The following CCDC83 variants were observed in gnomAD, a reference collection of about 807,000 sequenced individuals.
CCDC83 encodes coiled-coil domain containing 83.
In CCDC83, 54 loss-of-function variants were observed where a neutral mutation model predicts 50.1. That is an observed-to-expected ratio of 1.08 (90% confidence interval 0.87 to 1.35). The LOEUF (loss-of-function observed/expected upper bound fraction) is 1.35, where lower values mean the gene tolerates loss of function less well. CCDC83 is among the 40% of genes most tolerant of loss of function. The pLI, the probability that CCDC83 is intolerant of heterozygous loss-of-function variation, is 0.00. For missense variants in CCDC83, 518 were observed against 473.9 expected (o/e 1.09, Z -0.86); for synonymous variants, 161 against 153.3 (o/e 1.05, Z -0.37).
intron 8 of CCDC83, among the ~76,000 whole-genome samples, chr11:85,914,535 G>A (rs1004942568): frequency 6.6e-6 from 1 of 152,124 alleles, no homozygotes; most frequent in African/African-American, 2.4e-5. Context: ...CCTACTGTTC[G>A]CTTTCTCTTT....
chr11:85,890,438 G>A (rs1008902433), intron 5 of CCDC83, among the ~76,000 whole-genome samples: 1 of 152,182 alleles, frequency 6.6e-6, no homozygotes, highest in Non-Finnish European at 1.5e-5. Context: ...CAGGGATTTT[G>A]TATGTGTGGG....
intron 3 of CCDC83, among the ~76,000 whole-genome samples, chr11:85,881,938 G>C (rs543021885): frequency 2.1e-4 from 32 of 152,154 alleles, no homozygotes; most frequent in African/African-American, 7.7e-4. Context: ...TTGGAAATTT[G>C]GGAAGTTTCC....
At chr11:85,917,134 A>AAG (rs201907138) in intron 10 of CCDC83, among the ~76,000 whole-genome samples, 6,238 of 77,926 alleles carry the variant, frequency 0.08, 379 homozygotes, top group South Asian at 0.11. Context: ...AAGAAAAAGA[A>AAG]AGAGAGAGAG....
Position 85,915,447 on chromosome 11 carries a change from C to G in CCDC83, c.823C>G (p.Leu275Val), listed in dbSNP as rs373536001. ...RRLYLTQAAGLEVPPEEMSLE... is the reference protein window; with the variant it reads ...RRLYLTQAAGVEVPPEEMSLE... The stretch of plus-strand genomic sequence containing the variant: ...ACTATATCTTACCCAAGCTGCTGGA[C>G]TAGAAGTGCCACCTGAAGAAATGTC... The change falls in exon 9 of 11, where the codon CTA becomes GTA. Residue 275 changes from leucine (L) to valine (V), a missense_variant. Coordinates refer to ENST00000342404, the MANE Select transcript of CCDC83 (RefSeq NM_001286159.2). The G allele has an allele frequency of 3.7e-6, 6 of 1,613,246 alleles. No homozygotes were observed. The highest frequency in any genetic ancestry group is 5.1e-6 in the Non-Finnish European group (6 of 1,179,624).
chr11:85,869,372 CTTG>C (rs1416529487), intron 2 of CCDC83, among the ~76,000 whole-genome samples: 2 of 152,090 alleles, frequency 1.3e-5, no homozygotes, highest in East Asian at 3.8e-4. Flanking sequence ...CTCCTTTATA[CTTG>C]TTGTCTCCCA....
At chr11:85,910,205 G>T (rs114373839) in intron 7 of CCDC83, among the ~76,000 whole-genome samples, 4 of 152,136 alleles carry the variant, frequency 2.6e-5, no homozygotes, top group Non-Finnish European at 5.9e-5. Context: ...TCTCTCCTCC[G>T]ATGGCACCAG....
chr11:85,887,577 C>G (rs2135053280), intron 5 of CCDC83, among the ~76,000 whole-genome samples: 1 of 152,230 alleles, frequency 6.6e-6, no homozygotes, highest in South Asian at 2.1e-4. Flanking sequence ...ACAAGAGTGC[C>G]AGCCTGCTAC....
intron 7 of CCDC83, among the ~76,000 whole-genome samples, chr11:85,905,797 G>A (rs1344218565): frequency 2.7e-5 from 4 of 150,432 alleles, no homozygotes; most frequent in South Asian, 4.2e-4. Flanking sequence ...GTGAAACCCC[G>A]TCTCTATTAA....
In CCDC83 at chr11:85,895,294, AC is replaced by A; in HGVS notation, c.514del (p.His172ThrfsTer13). 2.1e-6 allele frequency: 2 copies of A among 957,288 alleles called. No individual in the cohort carries two copies. The highest frequency in any genetic ancestry group is 2.9e-6 in the Non-Finnish European group (2 of 678,836). The allele number at this position is 957,288 out of a possible 1,614,324, so 59.3% of individuals were successfully genotyped here. ...VKENAEKMSE[H>X]YKITLEDTRK... ...TTTTTTTTTTTTTTTTTTTTAAAGA[AC>A]ACTATAAAATCACTCTGGAAGATAC... On this transcript the variant is annotated frameshift_variant and splice_region_variant, in exon 6 of 11. Transcript: ENST00000342404. LOFTEE classifies it high-confidence loss of function.
chr11:85,867,197 A>G (rs1294176276), intron 2 of CCDC83, among the ~76,000 whole-genome samples: 2 of 152,132 alleles, frequency 1.3e-5, no homozygotes, highest in Admixed American at 1.3e-4. Flanking sequence ...CTGGGAAGAC[A>G]GGCATACACC....
At chr11:85,880,157 T>C (rs1344878951) in intron 3 of CCDC83, among the ~76,000 whole-genome samples, 5 of 152,250 alleles carry the variant, frequency 3.3e-5, no homozygotes, top group Non-Finnish European at 5.9e-5. Flanking sequence ...AAAGAAAACT[T>C]ACTAAGCTTT....
At chr11:85,871,116 G>C (rs968461761) in intron 2 of CCDC83, among the ~76,000 whole-genome samples, 1 of 152,166 alleles carries the variant, frequency 6.6e-6, no homozygotes. Flanking sequence ...GCAGTGAGCC[G>C]AGATCATGCT....
chr11:85,874,121 G>C (rs2093255926), intron 3 of CCDC83, among the ~76,000 whole-genome samples: 1 of 152,182 alleles, frequency 6.6e-6, no homozygotes, highest in Non-Finnish European at 1.5e-5. Context: ...GGGGATTCCT[G>C]TCTCCCCCAT....
At chr11:85,882,273 T>A (rs1356908621) in intron 3 of CCDC83, among the ~76,000 whole-genome samples, 3 of 152,208 alleles carry the variant, frequency 2.0e-5, no homozygotes, top group Admixed American at 6.5e-5. Flanking sequence ...GACATTTTTT[T>A]AATAATGTCA....
chr11:85,872,595 A>C (rs2093245158), intron 2 of CCDC83, among the ~76,000 whole-genome samples: 1 of 152,146 alleles, frequency 6.6e-6, no homozygotes, highest in Non-Finnish European at 1.5e-5. Context: ...GTTTAAAGAG[A>C]TACACTATAC....
chr11:85,915,337 C>T (rs1285875544), intron 8 of CCDC83, 82 bp from the exon 9 acceptor site: 4 of 955,794 alleles, frequency 4.2e-6, no homozygotes, highest in Admixed American at 4.3e-5. Context: ...ATTTCTAGCA[C>T]CTAGTAGAGA....
chr11:85,884,284 C>T (rs952626433), intron 4 of CCDC83, among the ~76,000 whole-genome samples: 6 of 152,088 alleles, frequency 3.9e-5, no homozygotes, highest in African/African-American at 7.2e-5. Context: ...AAAACATTTC[C>T]GAGGTAGTCA....
At chr11:85,898,889 G>A in intron 6 of CCDC83, 58 bp from the exon 7 acceptor site, 3 of 1,136,604 alleles carry the variant, frequency 2.6e-6, no homozygotes, top group South Asian at 1.3e-5. Context: ...CATCACTATT[G>A]CTAAAATTGT....
intron 5 of CCDC83, among the ~76,000 whole-genome samples, chr11:85,891,180 T>G (rs577224478): frequency 6.6e-6 from 1 of 152,282 alleles, no homozygotes; most frequent in Non-Finnish European, 1.5e-5. Flanking sequence ...CTTGCAGTAT[T>G]CTCCAGCCCA....
Sources: allele counts gnomAD v4.1 joint callset (sites outside exome capture counted in the v4.1 genomes callset), GRCh38; gene constraint gnomAD v4.1.1; transcripts MANE v1.5; gene names NCBI Gene and HGNC (gene_info 2026-07-23, HGNC 2026-07-21).